ZC3H12B: variants seen among roughly 807,000 people sequenced by gnomAD.
ZC3H12B encodes the protein probable ribonuclease ZC3H12B.
Under a neutral mutation model 43.9 loss-of-function variants are expected in ZC3H12B, and 7 were observed. The ratio of observed to expected loss-of-function variants is 0.16; its 90% CI spans 0.09 to 0.30. ZC3H12B has a LOEUF of 0.30. Ranked by LOEUF, ZC3H12B falls within the 10% of genes least tolerant of loss-of-function variation. The pLI, the probability that ZC3H12B is intolerant of heterozygous loss-of-function variation, is 1.00. For synonymous variants in ZC3H12B, 222 were observed against 241.7 expected, an observed-to-expected ratio of 0.92 and a Z score of 0.76; for missense variants, 475 against 670.2, an observed-to-expected ratio of 0.71 and a Z score of 3.22.
intron 2 of ZC3H12B, among the ~76,000 whole-genome samples, chrX:65,393,896 C>A (rs1234516416): frequency 1.8e-5 from 2 of 112,320 alleles, no homozygotes; most frequent in Admixed American, 9.4e-5. Flanking sequence ...TCTATTCTAA[C>A]TAGTGTGAGA....
At chrX:65,292,600 C>T in the ZC3H12B span, among the ~76,000 whole-genome samples, 1 of 107,730 alleles carries the variant, frequency 9.3e-6, no homozygotes, top group Admixed American at 9.7e-5. Flanking sequence ...CAAACCTGCA[C>T]ATGTACCTCT....
At chrX:65,161,709 T>G in the ZC3H12B span, among the ~76,000 whole-genome samples, 1 of 112,213 alleles carries the variant, frequency 8.9e-6, no homozygotes, top group Admixed American at 9.5e-5. Context: ...GTCTTGACTC[T>G]TTATCCAATT....
intron 3 of ZC3H12B, among the ~76,000 whole-genome samples, chrX:65,440,605 G>A (rs1057277956): frequency 2.7e-5 from 3 of 112,182 alleles, no homozygotes; most frequent in African/African-American, 9.7e-5. Context: ...AATTGTAAAT[G>A]CAAACCGTTC....
chrX:65,269,849 A>C, the ZC3H12B span, among the ~76,000 whole-genome samples: 15 of 111,349 alleles, frequency 1.3e-4, no homozygotes, highest in African/African-American at 4.9e-4. Context: ...ATACACCTAA[A>C]ACTATAAAAC....
At chrX:65,236,159 T>C in the ZC3H12B span, among the ~76,000 whole-genome samples, 1 of 111,941 alleles carries the variant, frequency 8.9e-6, no homozygotes, top group Non-Finnish European at 1.9e-5. Context: ...GATAGAAGTT[T>C]TCACTCTGAT....
At chrX:65,118,690 G>T in the ZC3H12B span, among the ~76,000 whole-genome samples, 152 of 109,489 alleles carry the variant, frequency 1.4e-3, no homozygotes, top group African/African-American at 4.1e-3. Flanking sequence ...TATGGTACAT[G>T]TGCACAACCT....
chrX:65,358,987 C>T, the ZC3H12B span, among the ~76,000 whole-genome samples: 1 of 111,503 alleles, frequency 9.0e-6, no homozygotes, highest in African/African-American at 3.3e-5. Context: ...TAATTTGAAG[C>T]CAGTGCTCAT....
At chrX:65,422,255 C>A (rs1237424922) in intron 3 of ZC3H12B, among the ~76,000 whole-genome samples, 1 of 111,891 alleles carries the variant, frequency 8.9e-6, no homozygotes, top group African/African-American at 3.2e-5. Flanking sequence ...CCCTAGTGAA[C>A]AGCTAGCAAA....
the ZC3H12B span, among the ~76,000 whole-genome samples, chrX:65,087,470 T>C: frequency 1.8e-5 from 2 of 111,932 alleles, no homozygotes; most frequent in Non-Finnish European, 3.8e-5. Context: ...GGATAACTAA[T>C]CCAAGGGTGA....
intron 3 of ZC3H12B, among the ~76,000 whole-genome samples, chrX:65,448,814 A>G (rs2067417983): frequency 9.4e-6 from 1 of 106,164 alleles, no homozygotes. Flanking sequence ...TGATACTCCA[A>G]AAAAAGAAGA....
At chrX:65,502,375 C>T (rs1168567517) in exon 5 of ZC3H12B, 2 of 1,211,451 alleles carry the variant, frequency 1.7e-6, no homozygotes, top group Non-Finnish European at 2.2e-6. Flanking sequence ...ACATCAACAG[C>T]ATGCATAACC....
intron 3 of ZC3H12B, among the ~76,000 whole-genome samples, chrX:65,416,236 C>T (rs1240328349): frequency 1.8e-5 from 2 of 111,425 alleles, no homozygotes; most frequent in Non-Finnish European, 3.8e-5. Flanking sequence ...ACTCAATAGC[C>T]TCAGAAAAAT....
the ZC3H12B span, among the ~76,000 whole-genome samples, chrX:65,114,897 G>A: frequency 1.5e-5 from 1 of 68,542 alleles, no homozygotes; most frequent in East Asian, 4.2e-4. Context: ...TTTCAGCACT[G>A]CGTTAGTTGT....
At chrX:65,121,150 T>G in the ZC3H12B span, among the ~76,000 whole-genome samples, 1 of 111,616 alleles carries the variant, frequency 9.0e-6, no homozygotes, top group East Asian at 2.8e-4. Flanking sequence ...GGTATCAGGA[T>G]GATGCTGGCC....
At chrX:65,142,007 C>A in the ZC3H12B span, among the ~76,000 whole-genome samples, 9 of 112,097 alleles carry the variant, frequency 8.0e-5, no homozygotes, top group African/African-American at 2.3e-4. Flanking sequence ...ATAATGACTT[C>A]TTTTCCTCTG....
chrX:65,457,040 C>T (rs1164897717), intron 3 of ZC3H12B, among the ~76,000 whole-genome samples: 1 of 98,588 alleles, frequency 1.0e-5, no homozygotes, highest in Non-Finnish European at 2.1e-5. Flanking sequence ...AAGTGAGGAG[C>T]GTCTCTGCCC....
chrX:65,370,009 G>A (rs1452776070), intron 2 of ZC3H12B, among the ~76,000 whole-genome samples: 1 of 111,183 alleles, frequency 9.0e-6, no homozygotes, highest in African/African-American at 3.3e-5. Context: ...CATTTTGGGA[G>A]GCCTAAGCGA....
At chrX:65,381,251 A>C (rs941919928) in intron 2 of ZC3H12B, among the ~76,000 whole-genome samples, 1 of 111,656 alleles carries the variant, frequency 9.0e-6, no homozygotes, top group Non-Finnish European at 1.9e-5. Flanking sequence ...ATAACAAACT[A>C]TCTCTCAGAC....
chrX:65,156,457 T>C, the ZC3H12B span, among the ~76,000 whole-genome samples: 1 of 111,992 alleles, frequency 8.9e-6, no homozygotes, highest in Non-Finnish European at 1.9e-5. Context: ...CTCGTCTCAC[T>C]GCAACCTCCA....
Sources: gnomAD v4.1 joint callset for allele counts (sites outside exome capture counted in the v4.1 genomes callset) on GRCh38, gnomAD v4.1.1 for gene constraint, MANE v1.5 for transcripts, NCBI Gene and HGNC (gene_info 2026-07-23, HGNC 2026-07-21) for gene names.